MMP16: variants seen among roughly 807,000 people sequenced by gnomAD.
The protein encoded by MMP16 is matrix metallopeptidase 16.
In MMP16, 12 loss-of-function variants were observed where a neutral mutation model predicts 67.8. The observed-to-expected ratio is 0.18, with a 90% CI of 0.11 to 0.29. MMP16 has a LOEUF of 0.29. Among genes scored for constraint, MMP16 ranks in the 10% least tolerant of loss-of-function variants. MMP16 has a pLI of 1.00. For synonymous variants in MMP16, 249 were observed against 255.9 expected (o/e 0.97, Z 0.26); for missense variants, 475 against 765.7 (o/e 0.62, Z 4.48).
intron 9 of MMP16, among the ~76,000 whole-genome samples, chr8:88,044,063 C>T (rs563133901): frequency 6.6e-6 from 1 of 152,344 alleles, no homozygotes; most frequent in South Asian, 2.1e-4. Flanking sequence ...TTTCTATTTA[C>T]ATACAACACA....
At chr8:88,284,514 T>C (rs28986503) in intron 1 of MMP16, among the ~76,000 whole-genome samples, 3,588 of 151,716 alleles carry the variant, frequency 0.024, 142 homozygotes, top group African/African-American at 0.082. Flanking sequence ...CAATACTAGA[T>C]TGTAGACCTG....
chr8:88,191,146 A>AT (rs1809163163), intron 2 of MMP16, among the ~76,000 whole-genome samples: 3 of 152,190 alleles, frequency 2.0e-5, no homozygotes, highest in African/African-American at 7.2e-5. Context: ...CAACTTAAAA[A>AT]GAAAAAAAAT....
At chr8:88,111,913 G>C (rs1809344467) in intron 6 of MMP16, among the ~76,000 whole-genome samples, 2 of 151,750 alleles carry the variant, frequency 1.3e-5, no homozygotes, top group Admixed American at 1.3e-4. Flanking sequence ...TAAACAGTGT[G>C]TGATAAATGA....
intron 6 of MMP16, among the ~76,000 whole-genome samples, chr8:88,115,962 C>A (rs1268118066): frequency 6.6e-6 from 1 of 151,998 alleles, no homozygotes; most frequent in Non-Finnish European, 1.5e-5. Context: ...GATATAACTG[C>A]CTAACAATAT....
intron 1 of MMP16, among the ~76,000 whole-genome samples, chr8:88,302,807 T>A (rs1157250256): frequency 6.6e-6 from 1 of 152,000 alleles, no homozygotes; most frequent in African/African-American, 2.4e-5. Flanking sequence ...CACCTTCAAC[T>A]GAAATAACCA....
intron 1 of MMP16, among the ~76,000 whole-genome samples, chr8:88,280,505 G>A (rs1458985315): frequency 6.6e-6 from 1 of 152,208 alleles, no homozygotes; most frequent in Non-Finnish European, 1.5e-5. Flanking sequence ...GTCTTAAGAT[G>A]TGAGTTTAGT....
chr8:88,299,623 T>C (rs1445977386), intron 1 of MMP16, among the ~76,000 whole-genome samples: 1 of 152,198 alleles, frequency 6.6e-6, no homozygotes, highest in Admixed American at 6.5e-5. Context: ...TGTCACTACT[T>C]CATCTAATAA....
chr8:88,168,534 T>C (rs1302533712), intron 3 of MMP16, among the ~76,000 whole-genome samples: 1 of 152,202 alleles, frequency 6.6e-6, no homozygotes, highest in Admixed American at 6.6e-5. Context: ...GTATTGTGAG[T>C]AAACAGCTAT....
intron 4 of MMP16, among the ~76,000 whole-genome samples, chr8:88,131,327 G>A (rs74837679): frequency 0.014 from 2,136 of 149,852 alleles, 50 homozygotes; most frequent in African/African-American, 0.05. Context: ...CTAAACTAAC[G>A]TAAAAGATAT....
intron 7 of MMP16, among the ~76,000 whole-genome samples, chr8:88,065,322 C>T (rs971132192): frequency 1.1e-4 from 17 of 151,992 alleles, no homozygotes; most frequent in Admixed American, 5.9e-4. Context: ...GTAATATTGA[C>T]AGGAAAATAT....
chr8:88,191,738 A>C (rs1282299259), intron 2 of MMP16, among the ~76,000 whole-genome samples: 1 of 152,228 alleles, frequency 6.6e-6, no homozygotes, highest in African/African-American at 2.4e-5. Flanking sequence ...AGTATTTAAT[A>C]AGTTGGGCAT....
intron 7 of MMP16, among the ~76,000 whole-genome samples, chr8:88,061,582 G>A (rs904500293): frequency 6.6e-6 from 1 of 151,834 alleles, no homozygotes; most frequent in Non-Finnish European, 1.5e-5. Context: ...GATGACACTA[G>A]GCTCATCAAT....
intron 1 of MMP16, among the ~76,000 whole-genome samples, chr8:88,273,248 CTT>C (rs575063640): frequency 1.5e-5 from 2 of 132,310 alleles, no homozygotes; most frequent in African/African-American, 2.8e-5. Flanking sequence ...CCATGCCTGG[CTT>C]TTTTTTTTTT....
chr8:88,276,242 C>A (rs1403640298), intron 1 of MMP16, among the ~76,000 whole-genome samples: 2 of 152,064 alleles, frequency 1.3e-5, no homozygotes, highest in African/African-American at 4.8e-5. Flanking sequence ...GTATACCTTA[C>A]ATTGCAAAAA....
chr8:88,264,563 G>A (rs1016038173), intron 1 of MMP16, among the ~76,000 whole-genome samples: 1 of 152,156 alleles, frequency 6.6e-6, no homozygotes, highest in African/African-American at 2.4e-5. Context: ...TAGAAATACA[G>A]ACTGGGTAAA....
chr8:88,238,070 T>A (rs1204491463), intron 1 of MMP16, among the ~76,000 whole-genome samples: 1 of 152,200 alleles, frequency 6.6e-6, no homozygotes, highest in Non-Finnish European at 1.5e-5. Flanking sequence ...ATACCTATTG[T>A]GTTTATGAAA....
rs993958836 is a variant in MMP16, at chr8:88,154,633, C to T, written c.709+13036G>A. Reference sequence around the variant, plus strand: ...ATCGCAAGAACAAAAAACCAAACACCGCATATTCTCACTCATAGGTGGGAA... The same window carrying T: ...ATCGCAAGAACAAAAAACCAAACACTGCATATTCTCACTCATAGGTGGGAA... On this transcript the variant is annotated intron_variant, in intron 4 of 9. Coordinates refer to ENST00000286614, the MANE Select transcript of MMP16 (RefSeq NM_005941.5). 7.0e-3 allele frequency among the ~76,000 whole-genome samples: 1,051 copies of T among 150,002 alleles called. 5 individuals are homozygous for T. Among genetic ancestry groups the T allele is most frequent in the Non-Finnish European group, 0.011 (711 of 67,554 alleles).
chr8:88,155,049 G>A (rs183987875), intron 4 of MMP16, among the ~76,000 whole-genome samples: 1 of 151,970 alleles, frequency 6.6e-6, no homozygotes, highest in African/African-American at 2.4e-5. Flanking sequence ...CAAAATGTTT[G>A]TTGAAGGATG....
At chr8:88,292,992 G>A (rs1467360531) in intron 1 of MMP16, among the ~76,000 whole-genome samples, 2 of 152,048 alleles carry the variant, frequency 1.3e-5, no homozygotes. Context: ...ATGACCTCAA[G>A]GAGTTCACAG....
Sources: allele counts gnomAD v4.1 joint callset (sites outside exome capture counted in the v4.1 genomes callset), GRCh38; gene constraint gnomAD v4.1.1; transcripts MANE v1.5; gene names NCBI Gene and HGNC (gene_info 2026-07-23, HGNC 2026-07-21).